PIK3CB: variants seen among roughly 807,000 people sequenced by gnomAD.
PIK3CB encodes the protein phosphatidylinositol-4,5-bisphosphate 3-kinase catalytic subunit beta, also known as phosphatidylinositol 4,5-bisphosphate 3-kinase catalytic subunit beta isoform.
Under a neutral mutation model 136.8 loss-of-function variants are expected in PIK3CB, and 39 were observed. That is an observed-to-expected ratio of 0.29 (90% CI 0.22 to 0.37). The LOEUF (loss-of-function observed/expected upper bound fraction) is 0.37. PIK3CB is among the 10% of genes least tolerant of loss of function. The probability of loss-of-function intolerance (pLI) is 1.00; values close to 1 mark genes in which losing one functional copy is unlikely to be tolerated. For synonymous variants in PIK3CB, 428 were observed against 436.6 expected (o/e 0.98, Z 0.25); for missense variants, 868 against 1,275.4 (o/e 0.68, Z 4.87).
At chr3:138,832,732 G>C (rs898454771) in intron 1 of PIK3CB, among the ~76,000 whole-genome samples, 1 of 151,896 alleles carries the variant, frequency 6.6e-6, no homozygotes, top group East Asian at 1.9e-4. Flanking sequence ...GGGAGGCTAT[G>C]GCAGGAGAAT....
chr3:138,739,648 C>T (rs1003517038), intron 5 of PIK3CB, among the ~76,000 whole-genome samples: 4 of 151,240 alleles, frequency 2.6e-5, no homozygotes, highest in Admixed American at 6.6e-5. Context: ...CACCTATAAT[C>T]CCAGCATCTT....
intron 19 of PIK3CB, among the ~76,000 whole-genome samples, chr3:138,680,757 C>T (rs888248665): frequency 1.3e-5 from 2 of 151,820 alleles, no homozygotes; most frequent in South Asian, 2.1e-4. Flanking sequence ...GGCATGATCT[C>T]GCTCACCGCA....
At chr3:138,812,106 G>A (rs887605473) in intron 1 of PIK3CB, among the ~76,000 whole-genome samples, 1 of 151,888 alleles carries the variant, frequency 6.6e-6, no homozygotes, top group Non-Finnish European at 1.5e-5. Flanking sequence ...AAAGAAAAAA[G>A]CCAAACTCCT....
chr3:138,691,952 A>G (rs1403798167), intron 14 of PIK3CB, among the ~76,000 whole-genome samples: 1 of 152,252 alleles, frequency 6.6e-6, no homozygotes, highest in Non-Finnish European at 1.5e-5. Context: ...GTTGTCCCAG[A>G]TAACCAATGT....
At chr3:138,713,047 A>G (rs2044537449) in intron 9 of PIK3CB, among the ~76,000 whole-genome samples, 1 of 152,180 alleles carries the variant, frequency 6.6e-6, no homozygotes, top group East Asian at 1.9e-4. Context: ...TAAATAGATT[A>G]ATTTCACCAT....
chr3:138,732,504 C>T (rs1426609898), intron 8 of PIK3CB, among the ~76,000 whole-genome samples: 1 of 152,044 alleles, frequency 6.6e-6, no homozygotes, highest in Non-Finnish European at 1.5e-5. Flanking sequence ...TCTTGGATCA[C>T]AAAAATTATT....
rs117221887 is a variant in PIK3CB, at chr3:138,686,087, A to C, written c.2137-1284T>G. ...GGGAGCTGGAGGCTGCAGTGAGCCA[A>C]GATCGTACCACTACACTCTCCAGCC... is the stretch of plus-strand genomic sequence containing the variant. On this transcript the variant is annotated intron_variant, in intron 16 of 23. Transcript: ENST00000674063. Among the ~76,000 whole-genome samples the C allele has an allele frequency of 1.8e-3, 268 of 152,234 alleles. 12 individuals are homozygous for C. The East Asian group carries it at 0.047, about 27-fold the overall frequency.
chr3:138,786,031 A>C (rs1015337385), intron 2 of PIK3CB, among the ~76,000 whole-genome samples: 1 of 152,142 alleles, frequency 6.6e-6, no homozygotes, highest in Non-Finnish European at 1.5e-5. Flanking sequence ...TGTTAAAAGA[A>C]ACAAAAGAAT....
intron 4 of PIK3CB, among the ~76,000 whole-genome samples, chr3:138,744,706 G>A (rs1043758377): frequency 1.3e-5 from 2 of 152,088 alleles, no homozygotes; most frequent in African/African-American, 4.8e-5. Flanking sequence ...CATAGAAGGG[G>A]CCATATTATA....
chr3:138,743,690 G>A (rs1357337775), intron 4 of PIK3CB, among the ~76,000 whole-genome samples: 1 of 151,634 alleles, frequency 6.6e-6, no homozygotes, highest in East Asian at 1.9e-4. Context: ...AGCCTCCCAA[G>A]TAGCTGAAAT....
At chr3:138,656,997 C>A (rs1333241013) in intron 22 of PIK3CB, among the ~76,000 whole-genome samples, 1 of 152,078 alleles carries the variant, frequency 6.6e-6, no homozygotes, top group Non-Finnish European at 1.5e-5. Context: ...CAAACTCCGA[C>A]CTCCAGTGAT....
chr3:138,693,079 TTTTA>T (rs1450973308), intron 14 of PIK3CB, among the ~76,000 whole-genome samples: 1 of 152,092 alleles, frequency 6.6e-6, no homozygotes, highest in Non-Finnish European at 1.5e-5. Flanking sequence ...GATGTTGAAT[TTTTA>T]TTTATTTATG....
At chr3:138,792,758 G>C (rs1045810224) in intron 2 of PIK3CB, among the ~76,000 whole-genome samples, 2 of 152,024 alleles carry the variant, frequency 1.3e-5, no homozygotes, top group African/African-American at 2.4e-5. Flanking sequence ...AGAAGCTGTA[G>C]GATTTCTTTT....
intron 14 of PIK3CB, among the ~76,000 whole-genome samples, chr3:138,692,249 C>T (rs2044025590): frequency 6.6e-6 from 1 of 152,204 alleles, no homozygotes; most frequent in Non-Finnish European, 1.5e-5. Flanking sequence ...AATTAGTAGT[C>T]TAAGGCAGAT....
At position 138,684,795 on chromosome 3, in the gene PIK3CB, T is replaced by C. The variant is rs1380992292; in HGVS notation, c.2145A>G (p.Ala715=). 1 of 1,606,386 alleles carries C rather than the reference T, an allele frequency of 6.2e-7. No individual in the cohort carries two copies. Among genetic ancestry groups the C allele is most frequent in the Non-Finnish European group, 8.5e-7 (1 of 1,177,378 alleles). Reference sequence around the variant, plus strand: ...TATTTAAAGTTTTTAACTTATTGAGTGCTTCAACCTGAAAAATAAGTTCCC... The same window carrying C: ...TATTTAAAGTTTTTAACTTATTGAGCGCTTCAACCTGAAAAATAAGTTCCC... ...HMKVLSKQVE[A]LNKLKTLNSL... Residue 715 remains alanine, a synonymous_variant, in exon 17 of 24, where the codon GCA becomes GCG. Coordinates refer to ENST00000674063, the MANE Select transcript of PIK3CB (RefSeq NM_006219.3).
At chr3:138,737,967 A>G in intron 5 of PIK3CB, 81 bp from the exon 6 acceptor site, 1 of 794,204 alleles carries the variant, frequency 1.3e-6, no homozygotes, top group Non-Finnish European at 2.0e-6. Flanking sequence ...ATTATGTAAT[A>G]ATATGTACAA....
chr3:138,772,651 T>TA lies in PIK3CB; in HGVS notation c.-16-13293dup, dbSNP rs1453558074. 1.0e-3 allele frequency among the ~76,000 whole-genome samples: 155 copies of TA among 150,474 alleles called. 3 individuals are homozygous for TA. The highest frequency in any genetic ancestry group is 1.9e-4 in the Non-Finnish European group (13 of 67,614). On this transcript the variant is annotated intron_variant, in intron 2 of 23. Coordinates refer to ENST00000674063, the MANE Select transcript of PIK3CB (RefSeq NM_006219.3). ...TCTTTTGATTTTTTTTTTTTTTTTT[T>TA]ACTAGAGACAAGGTTTCGCTACATA...
At chr3:138,796,614 T>A (rs2046111940) in intron 1 of PIK3CB, 47 bp from the exon 2 acceptor site, 2 of 152,138 alleles carry the variant, frequency 1.3e-5, no homozygotes, top group South Asian at 2.1e-4. Context: ...ATGAGCTAAA[T>A]TAAGTCACGT....
intron 4 of PIK3CB, among the ~76,000 whole-genome samples, chr3:138,748,097 A>G (rs1045940290): frequency 2.0e-5 from 3 of 151,852 alleles, no homozygotes; most frequent in African/African-American, 4.8e-5. Flanking sequence ...AGTTTTGTTG[A>G]GAAACTACAT....
Sources: gnomAD v4.1 joint callset for allele counts (sites outside exome capture counted in the v4.1 genomes callset) on GRCh38, gnomAD v4.1.1 for gene constraint, MANE v1.5 for transcripts, NCBI Gene and HGNC (gene_info 2026-07-23, HGNC 2026-07-21) for gene names.